The following ZNF407 variants were observed in gnomAD, a reference collection of about 807,000 sequenced individuals.
The protein encoded by ZNF407 is zinc finger protein 407.
ZNF407 carries 17 observed loss-of-function variants against 131.2 expected under a neutral mutation model. The observed-to-expected ratio is 0.13, with a 90% CI of 0.09 to 0.19. The LOEUF (loss-of-function observed/expected upper bound fraction) is 0.19, where lower values mean the gene tolerates loss of function less well. ZNF407 is among the 10% of genes least tolerant of loss of function. ZNF407 has a pLI of 1.00. For synonymous variants in ZNF407, 1,156 were observed against 1,062.0 expected (o/e 1.09, Z -1.72); for missense variants, 2,681 against 2,830.6 (o/e 0.95, Z 1.20).
chr18:74,613,687 G>GT (rs918552002), intron 1 of ZNF407, among the ~76,000 whole-genome samples: 3 of 152,164 alleles, frequency 2.0e-5, no homozygotes, highest in Non-Finnish European at 2.9e-5. Context: ...TCTAGTTTCA[G>GT]TTACATTTTG....
chr18:74,984,966 T>C (rs978391995), intron 8 of ZNF407, among the ~76,000 whole-genome samples: 1 of 152,220 alleles, frequency 6.6e-6, no homozygotes, highest in Non-Finnish European at 1.5e-5. Context: ...TTGAAAAATA[T>C]ATTACAGTAT....
chr18:74,693,401 T>C (rs938752328), intron 3 of ZNF407, among the ~76,000 whole-genome samples: 1 of 152,234 alleles, frequency 6.6e-6, no homozygotes, highest in Non-Finnish European at 1.5e-5. Flanking sequence ...ATTCTCTTTC[T>C]TGGATTATTT....
intron 1 of ZNF407, among the ~76,000 whole-genome samples, chr18:74,621,593 C>T (rs1242213565): frequency 6.6e-6 from 1 of 152,042 alleles, no homozygotes; most frequent in Non-Finnish European, 1.5e-5. Flanking sequence ...AATGTCCCTG[C>T]TACATGGTAC....
At chr18:75,052,096 C>T (rs987534912) in intron 8 of ZNF407, among the ~76,000 whole-genome samples, 4 of 152,256 alleles carry the variant, frequency 2.6e-5, no homozygotes, top group Admixed American at 1.3e-4. Context: ...TGTCAAACAC[C>T]GCTAGCAGTG....
At position 74,738,196 on chromosome 18, in the gene ZNF407, C is replaced by G. The variant is rs538091396; in HGVS notation, c.4803-43232C>G. 2.0e-5 allele frequency among the ~76,000 whole-genome samples: 3 copies of G among 151,546 alleles called. No individual in the cohort carries two copies. The East Asian group carries it at 5.8e-4, about 30-fold the overall frequency. ...CAGCACTTTGGGAGGCCGAGGCAGGCAGATCATGAAGTCAAGAGATTGAGA... is the reference window on the plus strand; with the variant it reads ...CAGCACTTTGGGAGGCCGAGGCAGGGAGATCATGAAGTCAAGAGATTGAGA... On this transcript the variant is annotated intron_variant, in intron 3 of 8. Transcript: ENST00000299687.
At chr18:74,807,482 C>T (rs1327291402) in intron 4 of ZNF407, among the ~76,000 whole-genome samples, 1 of 152,166 alleles carries the variant, frequency 6.6e-6, no homozygotes, top group Non-Finnish European at 1.5e-5. Flanking sequence ...TAGTATGGTG[C>T]TCAAGTTCCC....
rs568555692 is a variant in ZNF407, at chr18:74,754,825, G to C, written c.4803-26603G>C. Among the ~76,000 whole-genome samples, 14 of 152,352 alleles carry C rather than the reference G, an allele frequency of 9.2e-5. No homozygotes were observed. The East Asian group carries it at 2.5e-3, about 27-fold the overall frequency. ...TGATGCTGAGAAGAATGTATATTCT[G>C]TTGATTCGGGGTGGAGAGTTCTGTA... On this transcript the variant is annotated intron_variant, in intron 3 of 8. Transcript: ENST00000299687.
At chr18:74,825,825 G>A (rs544239077) in intron 4 of ZNF407, among the ~76,000 whole-genome samples, 1 of 152,246 alleles carries the variant, frequency 6.6e-6, no homozygotes, top group Admixed American at 6.5e-5. Context: ...TCCACATACT[G>A]ATATATAGGA....
At chr18:74,610,405 TGTGCGTGC>T (rs1983003809) in intron 1 of ZNF407, among the ~76,000 whole-genome samples, 1 of 152,206 alleles carries the variant, frequency 6.6e-6, no homozygotes, top group Non-Finnish European at 1.5e-5. Context: ...CGGTCTCTCT[TGTGCGTGC>T]ATGCGTGCAA....
At chr18:74,973,366 G>T (rs1325859877) in intron 8 of ZNF407, among the ~76,000 whole-genome samples, 2 of 152,182 alleles carry the variant, frequency 1.3e-5, no homozygotes, top group Non-Finnish European at 2.9e-5. Flanking sequence ...CTCAGGAGGA[G>T]ACTGTGTGAC....
At chr18:74,625,110 GT>G (rs796798270) in intron 1 of ZNF407, among the ~76,000 whole-genome samples, 8 of 152,292 alleles carry the variant, frequency 5.3e-5, no homozygotes, top group African/African-American at 1.7e-4. Context: ...TTTGTTGAAT[GT>G]TTGTTGTTAT....
intron 4 of ZNF407, among the ~76,000 whole-genome samples, chr18:74,803,263 A>G (rs984394477): frequency 1.3e-5 from 2 of 152,194 alleles, no homozygotes; most frequent in Non-Finnish European, 2.9e-5. Context: ...TGGGGCTGAC[A>G]TCAGCACTGT....
intron 8 of ZNF407, among the ~76,000 whole-genome samples, chr18:75,007,453 T>G (rs1972924528): frequency 6.6e-6 from 1 of 152,180 alleles, no homozygotes; most frequent in South Asian, 2.1e-4. Context: ...TCACGACCCT[T>G]TTGCGCTAAC....
intron 3 of ZNF407, among the ~76,000 whole-genome samples, chr18:74,778,399 A>G (rs144259266): frequency 6.6e-6 from 1 of 152,150 alleles, no homozygotes; most frequent in African/African-American, 2.4e-5. Context: ...CAAATGTGGA[A>G]TTTCAACCCC....
At chr18:74,862,657 T>C (rs1970953380) in intron 4 of ZNF407, among the ~76,000 whole-genome samples, 1 of 152,212 alleles carries the variant, frequency 6.6e-6, no homozygotes, top group Non-Finnish European at 1.5e-5. Context: ...TTTTGTCACT[T>C]GTCAGAGTCA....
At chr18:74,750,389 T>C (rs1968772494) in intron 3 of ZNF407, among the ~76,000 whole-genome samples, 1 of 152,252 alleles carries the variant, frequency 6.6e-6, no homozygotes, top group Non-Finnish European at 1.5e-5. Context: ...ATTTACTTTT[T>C]AACTTGATTC....
chr18:75,031,616 G>A lies in ZNF407; in HGVS notation c.5429-31534G>A, dbSNP rs199982711. ...AGTTTTCAGCAGTTGGTAATTATTG[G>A]CATAATTAAACATTTATCAAGAAAC... is the stretch of plus-strand genomic sequence containing the variant. On this transcript the variant is annotated intron_variant, in intron 8 of 8. Transcript: ENST00000299687. 2.6e-5 allele frequency among the ~76,000 whole-genome samples: 4 copies of A among 152,058 alleles called. No individual in the cohort carries two copies. In the East Asian group the frequency reaches 7.7e-4, roughly 29 times the overall value.
At chr18:74,846,510 T>A (rs1323840219) in intron 4 of ZNF407, among the ~76,000 whole-genome samples, 1 of 151,314 alleles carries the variant, frequency 6.6e-6, no homozygotes, top group Non-Finnish European at 1.5e-5. Context: ...CAGCTAATTT[T>A]TGTATTAGTA....
At chr18:74,961,135 T>C (rs1374080369) in intron 8 of ZNF407, among the ~76,000 whole-genome samples, 1 of 152,190 alleles carries the variant, frequency 6.6e-6, no homozygotes, top group Non-Finnish European at 1.5e-5. Flanking sequence ...ATTTTACATC[T>C]TCTCTAGTTT....
Sources: allele counts gnomAD v4.1 joint callset (sites outside exome capture counted in the v4.1 genomes callset), GRCh38; gene constraint gnomAD v4.1.1; transcripts MANE v1.5; gene names NCBI Gene and HGNC (gene_info 2026-07-23, HGNC 2026-07-21).